MACROD2: variants seen among roughly 807,000 people sequenced by gnomAD.
MACROD2 encodes the protein ADP-ribose glycohydrolase MACROD2.
A neutral mutation model predicts 70.4 loss-of-function variants in MACROD2; 36 were observed. The ratio of observed to expected loss-of-function variants is 0.51; its 90% CI spans 0.39 to 0.68. The LOEUF is 0.68. MACROD2 is among the 30% of genes least tolerant of loss of function. The pLI is 0.00. For missense variants in MACROD2, 496 were observed against 538.4 expected (o/e 0.92, Z 0.78); for synonymous variants, 172 against 178.8 (o/e 0.96, Z 0.30).
intron 5 of MACROD2, among the ~76,000 whole-genome samples, chr20:14,993,903 AT>A (rs551154335): frequency 8.5e-5 from 13 of 152,204 alleles, no homozygotes; most frequent in East Asian, 3.9e-4. Context: ...CACTTAAGAG[AT>A]TTTTTTTAAA....
chr20:14,782,846 G>A (rs2072319226), intron 5 of MACROD2, among the ~76,000 whole-genome samples: 1 of 152,064 alleles, frequency 6.6e-6, no homozygotes, highest in African/African-American at 2.4e-5. Context: ...AAAAGAACAT[G>A]CCGCATTACA....
At chr20:15,711,794 G>C (rs888886708) in intron 8 of MACROD2, among the ~76,000 whole-genome samples, 1 of 152,114 alleles carries the variant, frequency 6.6e-6, no homozygotes, top group Admixed American at 6.5e-5. Context: ...AAGTTTCTTA[G>C]GTGAAAATCA....
chr20:15,478,549 G>A (rs1206502376), intron 7 of MACROD2, among the ~76,000 whole-genome samples: 1 of 53,290 alleles, frequency 1.9e-5, no homozygotes, highest in Non-Finnish European at 3.3e-5. Flanking sequence ...CTGTGTGTGT[G>A]TGTCTGTGTG....
intron 6 of MACROD2, among the ~76,000 whole-genome samples, chr20:15,242,588 A>G (rs763179760): frequency 2.6e-4 from 40 of 152,190 alleles, no homozygotes; most frequent in Non-Finnish European, 1.2e-4. Flanking sequence ...TTTGTGAAGC[A>G]TTGGTATTCT....
chr20:14,683,886 C>CA (rs1222476958), intron 4 of MACROD2, among the ~76,000 whole-genome samples: 1 of 151,980 alleles, frequency 6.6e-6, no homozygotes, highest in East Asian at 1.9e-4. Context: ...CCAAGGGGCC[C>CA]ATTCAATAAT....
intron 8 of MACROD2, among the ~76,000 whole-genome samples, chr20:15,758,869 G>T (rs1209155772): frequency 6.6e-6 from 1 of 151,912 alleles, no homozygotes; most frequent in Non-Finnish European, 1.5e-5. Flanking sequence ...AGGACCCCAG[G>T]CCGGGCACGG....
At chr20:14,622,763 T>G (rs933728117) in intron 4 of MACROD2, 1 of 152,176 alleles carries the variant, frequency 6.6e-6, no homozygotes, top group African/African-American at 2.4e-5. Context: ...GAAATGACAA[T>G]CAGTATACCA....
At chr20:15,857,668 C>G (rs564604662) in intron 8 of MACROD2, among the ~76,000 whole-genome samples, 5 of 152,290 alleles carry the variant, frequency 3.3e-5, no homozygotes, top group Admixed American at 6.5e-5. Context: ...TCTCTGTGGC[C>G]AGCCCTAACC....
At chr20:14,146,974 G>T (rs1377067007) in intron 3 of MACROD2, among the ~76,000 whole-genome samples, 1 of 152,152 alleles carries the variant, frequency 6.6e-6, no homozygotes, top group African/African-American at 2.4e-5. Context: ...AAGTTCCCTA[G>T]GTGAGTCTAA....
chr20:14,550,396 C>G (rs1376531449), intron 4 of MACROD2, among the ~76,000 whole-genome samples: 2 of 151,938 alleles, frequency 1.3e-5, no homozygotes, highest in Non-Finnish European at 2.9e-5. Context: ...TGTTGAAATC[C>G]TAATACCCTA....
At chr20:14,986,173 C>T (rs1359002361) in intron 5 of MACROD2, among the ~76,000 whole-genome samples, 1 of 152,142 alleles carries the variant, frequency 6.6e-6, no homozygotes, top group African/African-American at 2.4e-5. Flanking sequence ...TTGTTCTCTC[C>T]TGGTTGCTTG....
chr20:15,702,699 G>A (rs2050477700), intron 8 of MACROD2, among the ~76,000 whole-genome samples: 1 of 152,034 alleles, frequency 6.6e-6, no homozygotes, highest in African/African-American at 2.4e-5. Flanking sequence ...AGTTTTTACT[G>A]TTGCTATCAC....
chr20:14,223,687 T>C (rs2081703796), intron 3 of MACROD2, among the ~76,000 whole-genome samples: 1 of 151,992 alleles, frequency 6.6e-6, no homozygotes, highest in African/African-American at 2.4e-5. Flanking sequence ...TTTGTATTTT[T>C]AGTAGAGACA....
intron 4 of MACROD2, among the ~76,000 whole-genome samples, chr20:14,673,998 A>G (rs2123567066): frequency 6.6e-6 from 1 of 152,108 alleles, no homozygotes; most frequent in Non-Finnish European, 1.5e-5. Flanking sequence ...TAAATTTGTG[A>G]TAATTTTGTC....
At chr20:15,105,514 T>C (rs1019516230) in intron 5 of MACROD2, among the ~76,000 whole-genome samples, 1 of 152,072 alleles carries the variant, frequency 6.6e-6, no homozygotes, top group African/African-American at 2.4e-5. Context: ...TAGTAGGGTA[T>C]TGGGGTGCTG....
chr20:15,997,934 T>C (rs975047524), intron 15 of MACROD2, among the ~76,000 whole-genome samples: 2 of 152,328 alleles, frequency 1.3e-5, no homozygotes, highest in South Asian at 4.1e-4. Flanking sequence ...CAGATGCTTT[T>C]TCTGCATATA....
At chr20:14,012,851 A>G (rs900299309) in intron 2 of MACROD2, among the ~76,000 whole-genome samples, 2 of 152,228 alleles carry the variant, frequency 1.3e-5, no homozygotes, top group African/African-American at 4.8e-5. Flanking sequence ...GGTCACCGCA[A>G]TAGCAATAGA....
chr20:14,306,870 G>A (rs750156846), intron 3 of MACROD2, among the ~76,000 whole-genome samples: 7 of 152,082 alleles, frequency 4.6e-5, no homozygotes, highest in Non-Finnish European at 7.4e-5. Context: ...ACCCAGCATT[G>A]TCTTCTTGTT....
At chr20:15,377,370 A>T (rs1193113474) in intron 6 of MACROD2, among the ~76,000 whole-genome samples, 1 of 152,244 alleles carries the variant, frequency 6.6e-6, no homozygotes, top group Non-Finnish European at 1.5e-5. Context: ...TAAAAAGGAC[A>T]AGAAAAAAGA....
Sources: allele counts gnomAD v4.1 joint callset (sites outside exome capture counted in the v4.1 genomes callset), GRCh38; gene constraint gnomAD v4.1.1; transcripts MANE v1.5; gene names NCBI Gene and HGNC (gene_info 2026-07-23, HGNC 2026-07-21).